Variants in PRTFDC1 observed in about 807,000 individuals in gnomAD.
PRTFDC1 encodes the protein phosphoribosyltransferase domain-containing protein 1.
PRTFDC1 carries 38 observed loss-of-function variants against 34.6 expected under a neutral mutation model. The observed-to-expected ratio is 1.10, with a 90% confidence interval of 0.85 to 1.44. The LOEUF (loss-of-function observed/expected upper bound fraction) is 1.44, where lower values mean the gene tolerates loss of function less well. Ranked by LOEUF, PRTFDC1 falls within the 40% of genes most tolerant of loss-of-function variation. The pLI is 0.00. For missense variants in PRTFDC1, 270 were observed against 283.0 expected, an observed-to-expected ratio of 0.95 and a Z score of 0.33; for synonymous variants, 93 against 98.1, an observed-to-expected ratio of 0.95 and a Z score of 0.31.
intron 3 of PRTFDC1, among the ~76,000 whole-genome samples, chr10:24,872,543 A>G (rs759660735): frequency 7.2e-5 from 11 of 152,030 alleles, no homozygotes; most frequent in African/African-American, 1.2e-4. Context: ...TTGGAGATCC[A>G]GCCCCTCATC....
intron 3 of PRTFDC1, among the ~76,000 whole-genome samples, chr10:24,893,562 A>G (rs1848300352): frequency 1.3e-5 from 2 of 152,154 alleles, no homozygotes; most frequent in Admixed American, 1.3e-4. Flanking sequence ...CTCCTGCCTT[A>G]GCCTCCTACA....
chr10:24,853,292 C>A (rs886543531), intron 7 of PRTFDC1, among the ~76,000 whole-genome samples: 2 of 151,016 alleles, frequency 1.3e-5, no homozygotes, highest in African/African-American at 4.9e-5. Context: ...CCAGCCTAGG[C>A]AACAAAGTGA....
intron 3 of PRTFDC1, among the ~76,000 whole-genome samples, chr10:24,909,229 C>T (rs1168953642): frequency 1.6e-4 from 25 of 152,012 alleles, no homozygotes; most frequent in Non-Finnish European, 3.5e-4. Flanking sequence ...TGCAGTGAGT[C>T]ATGATTGTGT....
At chr10:24,896,848 G>C (rs1374736997) in intron 3 of PRTFDC1, among the ~76,000 whole-genome samples, 1 of 152,222 alleles carries the variant, frequency 6.6e-6, no homozygotes, top group African/African-American at 2.4e-5. Context: ...GCCAAGGAGG[G>C]AGGATCCCTT....
chr10:24,905,920 G>A (rs971537326), intron 3 of PRTFDC1, among the ~76,000 whole-genome samples: 3 of 152,006 alleles, frequency 2.0e-5, no homozygotes, highest in African/African-American at 2.4e-5. Flanking sequence ...CCCAGCCTCT[G>A]GTAACCATCC....
At chr10:24,862,307 G>C (rs1463617173) in intron 4 of PRTFDC1, among the ~76,000 whole-genome samples, 1 of 152,088 alleles carries the variant, frequency 6.6e-6, no homozygotes, top group Non-Finnish European at 1.5e-5. Context: ...CTATACCATG[G>C]ATTGGATCTT....
chr10:24,869,269 G>T (rs980662162), intron 4 of PRTFDC1, among the ~76,000 whole-genome samples: 6 of 151,188 alleles, frequency 4.0e-5, no homozygotes, highest in African/African-American at 1.5e-4. Flanking sequence ...TTATGAAAAT[G>T]GCTACCCAAA....
chr10:24,873,908 CT>C (rs77144373), intron 3 of PRTFDC1, among the ~76,000 whole-genome samples: 452 of 139,884 alleles, frequency 3.2e-3, no homozygotes, highest in Middle Eastern at 0.019. Context: ...AATTTTTTAC[CT>C]TTTTTTTTTT....
At chr10:24,854,412 G>T (rs1431131271) in intron 7 of PRTFDC1, among the ~76,000 whole-genome samples, 1 of 152,160 alleles carries the variant, frequency 6.6e-6, no homozygotes, top group Non-Finnish European at 1.5e-5. Context: ...AGAATGTAGA[G>T]TCACTGGCTA....
chr10:24,891,682 G>C (rs755834141), intron 3 of PRTFDC1, among the ~76,000 whole-genome samples: 21 of 152,048 alleles, frequency 1.4e-4, no homozygotes, highest in Non-Finnish European at 2.8e-4. Context: ...TGTGAGGATT[G>C]CTTGAGCCCA....
chr10:24,907,786 A>G (rs2132562926), intron 3 of PRTFDC1, among the ~76,000 whole-genome samples: 2 of 152,314 alleles, frequency 1.3e-5, no homozygotes, highest in African/African-American at 4.8e-5. Context: ...TGTGTTATAC[A>G]TTTATTGTTA....
chr10:24,929,540 G>C lies in PRTFDC1; in HGVS notation c.339+7644C>G, dbSNP rs1848939523. ...GCAGGATCTAGGGCAACTGTGGCTTGCCTAAAATAACATTCATCCTCAATT... is the reference window on the plus strand; with the variant it reads ...GCAGGATCTAGGGCAACTGTGGCTTCCCTAAAATAACATTCATCCTCAATT... On this transcript the variant is annotated intron_variant, in intron 3 of 8. Transcript: ENST00000320152. Among the ~76,000 whole-genome samples the C allele has an allele frequency of 2.0e-5, 3 of 152,252 alleles. No homozygotes were observed. In the South Asian group the frequency reaches 6.2e-4, roughly 32 times the overall value.
chr10:24,851,535 G>A (rs995309187), intron 7 of PRTFDC1, 71 bp from the exon 8 acceptor site: 50 of 1,564,518 alleles, frequency 3.2e-5, no homozygotes, highest in Non-Finnish European at 4.2e-5. Context: ...GTCACCATAT[G>A]CTGCTGTCGC....
chr10:24,910,216 T>A (rs1848606680), intron 3 of PRTFDC1, among the ~76,000 whole-genome samples: 1 of 152,106 alleles, frequency 6.6e-6, no homozygotes, highest in South Asian at 2.1e-4. Context: ...AGCTGAAGAT[T>A]CAGCAAATTA....
chr10:24,868,307 C>T (rs943489408), intron 4 of PRTFDC1: 6 of 152,120 alleles, frequency 3.9e-5, no homozygotes, highest in Non-Finnish European at 7.4e-5. Context: ...AGGAATCCTT[C>T]ATTCTTTGGA....
rs1259157659 is a variant in PRTFDC1, at chr10:24,937,209, T to TCAA, written c.311_313dup (p.Val104dup). 1 of 1,613,410 alleles carries TCAA rather than the reference T, an allele frequency of 6.2e-7. No homozygotes were observed. Among genetic ancestry groups the TCAA allele is most frequent in the East Asian group, 2.2e-5 (1 of 44,866 alleles). On this transcript the variant is annotated inframe_insertion, in exon 3 of 9. Transcript: ENST00000320152. Reference sequence around the variant, plus strand: ...CCTGTAACTTTTTAGTCTGATGAAATCAACCTTCATTGAGACAAATCGATC... The same window carrying TCAA: ...CCTGTAACTTTTTAGTCTGATGAAATCAACAACCTTCATTGAGACAAATCGATC...
chr10:24,919,620 C>G (rs1190837389), intron 3 of PRTFDC1, among the ~76,000 whole-genome samples: 2 of 152,048 alleles, frequency 1.3e-5, no homozygotes, highest in Non-Finnish European at 1.5e-5. Context: ...AACAAAAGCA[C>G]AAATTGACAA....
At chr10:24,947,450 G>T (rs1187301652) in intron 1 of PRTFDC1, among the ~76,000 whole-genome samples, 1 of 152,062 alleles carries the variant, frequency 6.6e-6, no homozygotes, top group African/African-American at 2.4e-5. Flanking sequence ...CAGATAATAT[G>T]CTCTAAGTGT....
intron 3 of PRTFDC1, among the ~76,000 whole-genome samples, chr10:24,921,689 G>A (rs1381317469): frequency 3.8e-5 from 5 of 131,758 alleles, no homozygotes; most frequent in Non-Finnish European, 6.2e-5. Flanking sequence ...GTCAATGTCT[G>A]TTTGAGTTCA....
Sources: gnomAD v4.1 joint callset for allele counts (sites outside exome capture counted in the v4.1 genomes callset) on GRCh38, gnomAD v4.1.1 for gene constraint, MANE v1.5 for transcripts, NCBI Gene and HGNC (gene_info 2026-07-23, HGNC 2026-07-21) for gene names.